The following ZFYVE16 variants were observed in gnomAD, a reference collection of about 807,000 sequenced individuals.
The protein encoded by ZFYVE16 is zinc finger FYVE-type containing 16.
Under a neutral mutation model 138.1 loss-of-function variants are expected in ZFYVE16, and 89 were observed. The observed-to-expected ratio is 0.64, with a 90% confidence interval of 0.54 to 0.77. The LOEUF (loss-of-function observed/expected upper bound fraction) is 0.77. ZFYVE16 is among the 30% of genes least tolerant of loss of function. The probability of loss-of-function intolerance (pLI) is 0.00; values close to 1 mark genes in which losing one functional copy is unlikely to be tolerated. For missense variants in ZFYVE16, 1,793 were observed against 1,786.7 expected (o/e 1.00, Z -0.06); for synonymous variants, 596 against 618.3 (o/e 0.96, Z 0.53).
At chr5:80,464,782 C>A (rs954470341) in intron 15 of ZFYVE16, among the ~76,000 whole-genome samples, 17 of 151,914 alleles carry the variant, frequency 1.1e-4, no homozygotes, top group Non-Finnish European at 2.4e-4. Context: ...TTCTAGTGTA[C>A]CATTTTAATT....
At position 80,472,851 on chromosome 5, in the gene ZFYVE16, A is replaced by T. The variant is rs370221566; in HGVS notation, c.4115A>T (p.Lys1372Ile). The part of the protein sequence containing the change: ...EQKDFKITCG[K>I]VDAVDLREYV... ...AAAGACTTTAAAATTACATGTGGGAAAGTTGATGCAGTAGACCTGAGAGAA... is the reference window on the plus strand; with the variant it reads ...AAAGACTTTAAAATTACATGTGGGATAGTTGATGCAGTAGACCTGAGAGAA... Residue 1372 changes from lysine to isoleucine, a missense_variant, in exon 16 of 19, where the codon AAA becomes ATA. Around this residue, in one of 2 missense-constraint regions of ZFYVE16, gnomAD observed 498 missense variants for 582.4 expected, o/e 0.86. Coordinates refer to ENST00000505560, the MANE Select transcript of ZFYVE16 (RefSeq NM_001284236.3). 2.5e-5 allele frequency: 40 copies of T among 1,613,930 alleles called. No individual in the cohort carries two copies. The highest frequency in any genetic ancestry group is 5.0e-5 in the Admixed American group (3 of 59,998).
intron 9 of ZFYVE16, 42 bp from the exon 10 acceptor site, chr5:80,450,389 A>G: frequency 6.3e-7 from 1 of 1,580,158 alleles, no homozygotes; most frequent in Non-Finnish European, 8.6e-7. Flanking sequence ...TTTTTGACTA[A>G]TAGAAGTTGA....
intron 1 of ZFYVE16, among the ~76,000 whole-genome samples, chr5:80,417,826 T>C: frequency 6.6e-6 from 1 of 152,190 alleles, no homozygotes; most frequent in East Asian, 1.9e-4. Flanking sequence ...TCAAATCAGA[T>C]GAGTAAATAC....
At chr5:80,421,470 TA>T (rs1460964869) in intron 1 of ZFYVE16, among the ~76,000 whole-genome samples, 2 of 151,848 alleles carry the variant, frequency 1.3e-5, no homozygotes, top group East Asian at 3.9e-4. Flanking sequence ...ATTAATTTTT[TA>T]TAAGGTGTAA....
chr5:80,435,739 A>T (rs1749810775), intron 3 of ZFYVE16: 3 of 440,226 alleles, frequency 6.8e-6, no homozygotes. Flanking sequence ...CGGCTAATTT[A>T]AAAATGTGTA....
chr5:80,444,788 A>AAT (rs138019675), intron 6 of ZFYVE16, among the ~76,000 whole-genome samples: 8 of 151,258 alleles, frequency 5.3e-5, no homozygotes, highest in Non-Finnish European at 1.0e-4. Context: ...ATAGATAAGC[A>AAT]ATATATATAT....
At chr5:80,419,014 T>C (rs1381518550) in intron 1 of ZFYVE16, among the ~76,000 whole-genome samples, 2 of 152,026 alleles carry the variant, frequency 1.3e-5, no homozygotes, top group Non-Finnish European at 2.9e-5. Context: ...TTGAAAAGAC[T>C]GTCCATTCTC....
rs190255653 is a variant in ZFYVE16 at position 80,479,513 on chromosome 5, T to G, written c.*2136T>G. Among the ~76,000 whole-genome samples, 431 of 152,328 alleles carry G rather than the reference T, an allele frequency of 2.8e-3. 2 individuals carry two copies. The highest frequency in any genetic ancestry group is 1.0e-2 in the African/African-American group (414 of 41,588). ...ATTCCATGCCACAAGTAGTATGCGCTTAAGTGCAGAGCATGCCAAGAGAAA... is the reference window on the plus strand; with the variant it reads ...ATTCCATGCCACAAGTAGTATGCGCGTAAGTGCAGAGCATGCCAAGAGAAA... On this transcript the variant is annotated 3_prime_UTR_variant, in exon 19 of 19. Transcript: ENST00000505560.
rs758307089 is a variant in ZFYVE16, at chr5:80,436,739, C to T, written c.71-17C>T. 7 of 1,581,742 alleles carry T rather than the reference C, an allele frequency of 4.4e-6. No individual in the cohort carries two copies. In the South Asian group the frequency reaches 6.8e-5, roughly 15 times the overall value. Reference sequence around the variant, plus strand: ...TTTGATTTAAGTCTCCCGAATAACACTGTTTCTCTATTTCAGATGAACAAG... The same window carrying T: ...TTTGATTTAAGTCTCCCGAATAACATTGTTTCTCTATTTCAGATGAACAAG... On this transcript the variant is annotated splice_polypyrimidine_tract_variant and intron_variant, in intron 3 of 18. Transcript: ENST00000505560.
intron 11 of ZFYVE16, among the ~76,000 whole-genome samples, chr5:80,453,624 T>C (rs953883033): frequency 2.0e-5 from 3 of 152,208 alleles, no homozygotes; most frequent in Non-Finnish European, 4.4e-5. Context: ...AGCTGTTTTC[T>C]GAATTCTTTC....
intron 1 of ZFYVE16, among the ~76,000 whole-genome samples, chr5:80,416,247 ATTTTTTTTTTTTT>A (rs70988469): frequency 5.5e-5 from 4 of 73,320 alleles, no homozygotes; most frequent in Admixed American, 2.1e-4. Context: ...GAATACATAG[ATTTTTTTTTTTTT>A]TTTTTTTTTT....
intron 5 of ZFYVE16, chr5:80,440,825 C>CT (rs1750631017): frequency 1.0e-6 from 1 of 985,136 alleles, no homozygotes. Flanking sequence ...GACCTGTGCA[C>CT]TAGCTCAGGC....
chr5:80,477,522 T>G lies in ZFYVE16; in HGVS notation c.*145T>G. ...CTTTGCTCTTTAGGCAGGAATGATC[T>G]TTTCAAATCATTAGCACAATATTTA... On this transcript the variant is annotated 3_prime_UTR_variant, in exon 19 of 19. Coordinates refer to ENST00000505560, the MANE Select transcript of ZFYVE16 (RefSeq NM_001284236.3). 1 of 634,644 alleles carries G rather than the reference T, an allele frequency of 1.6e-6. No individual in the cohort carries two copies. The highest frequency in any genetic ancestry group is 3.4e-5 in the East Asian group (1 of 29,560). The allele number at this position is 634,644 out of a possible 1,614,324, so 39.3% of individuals were successfully genotyped here.
intron 2 of ZFYVE16, among the ~76,000 whole-genome samples, chr5:80,433,362 T>G (rs1224238408): frequency 6.6e-6 from 1 of 152,128 alleles, no homozygotes; most frequent in Non-Finnish European, 1.5e-5. Flanking sequence ...CCGCATATTC[T>G]CACTCGTAGT....
chr5:80,428,741 C>T (rs1414508388), intron 2 of ZFYVE16, among the ~76,000 whole-genome samples: 5 of 152,102 alleles, frequency 3.3e-5, no homozygotes, highest in Admixed American at 6.6e-5. Context: ...CTAGAATAAC[C>T]CATGTAGAGA....
At chr5:80,412,283 A>T (rs779642056) in intron 1 of ZFYVE16, among the ~76,000 whole-genome samples, 1 of 152,126 alleles carries the variant, frequency 6.6e-6, no homozygotes, top group African/African-American at 2.4e-5. Flanking sequence ...TTTTATTGTA[A>T]ATATTACGAA....
At chr5:80,465,443 G>T (rs1424289645) in intron 15 of ZFYVE16, among the ~76,000 whole-genome samples, 9 of 30,404 alleles carry the variant, frequency 3.0e-4, no homozygotes, top group African/African-American at 7.5e-4. Flanking sequence ...ATTTAGCTTT[G>T]TCACCCTGGC....
rs144400001 is a variant in ZFYVE16, at chr5:80,443,142, G to A, written c.2439G>A (p.Met813Ile). 58 of 1,561,418 alleles carry A rather than the reference G, an allele frequency of 3.7e-5. 1 individual carries two copies. The highest frequency in any genetic ancestry group is 4.6e-5 in the Non-Finnish European group (53 of 1,164,708). Reference sequence around the variant, plus strand: ...TTATAGCTCAGGCATTTGAAAGGATGATGAGTCCAACTGGTTCTAATCTTA... The same window carrying A: ...TTATAGCTCAGGCATTTGAAAGGATAATGAGTCCAACTGGTTCTAATCTTA... ...TISKAQAFERMMSPTGSNLKS... is the reference protein window; with the variant it reads ...TISKAQAFERIMSPTGSNLKS... The change falls in exon 6 of 19, where the codon ATG becomes ATA. Residue 813 changes from methionine to isoleucine, a missense_variant. Transcript: ENST00000505560.
chr5:80,422,103 T>G (rs1336645295), intron 1 of ZFYVE16, among the ~76,000 whole-genome samples: 3 of 152,218 alleles, frequency 2.0e-5, no homozygotes, highest in African/African-American at 7.2e-5. Context: ...TGTTTGTCTG[T>G]TATTGGTGTA....
Sources: allele counts gnomAD v4.1 joint callset (sites outside exome capture counted in the v4.1 genomes callset), GRCh38; gene constraint gnomAD v4.1.1; regional missense constraint gnomAD v4.1.1; transcripts MANE v1.5; gene names NCBI Gene and HGNC (gene_info 2026-07-23, HGNC 2026-07-21).